Variants in CLIC5 observed in about 807,000 individuals in gnomAD.
CLIC5 encodes the protein chloride intracellular channel protein 5.
Under a neutral mutation model 24.7 loss-of-function variants are expected in CLIC5, and 20 were observed. The observed-to-expected ratio is 0.81, with a 90% CI of 0.57 to 1.18. The LOEUF is 1.18. Among genes scored for constraint, CLIC5 ranks in the 50% most tolerant of loss-of-function variants. CLIC5 has a pLI of 0.00. For synonymous variants in CLIC5, 159 were observed against 135.6 expected (o/e 1.17, Z -1.20); for missense variants, 341 against 326.1 (o/e 1.05, Z -0.35).
At position 45,915,231 on chromosome 6, in the gene CLIC5, A is replaced by G. The variant is rs781078145; in HGVS notation, c.407-822T>C. Among the ~76,000 whole-genome samples the G allele has an allele frequency of 1.3e-3, 203 of 152,070 alleles. 4 individuals are homozygous for G. Among genetic ancestry groups the G allele is most frequent in the Admixed American group, 8.3e-3 (126 of 15,272 alleles). ...GTGAGAGCCACCATGCCTGGCCAAT[A>G]CTAGCCATTTTTTTAAAAAGTTTTG... On this transcript the variant is annotated intron_variant, in intron 4 of 5. Coordinates refer to ENST00000339561, the MANE Select transcript of CLIC5 (RefSeq NM_016929.5).
the CLIC5 span, among the ~76,000 whole-genome samples, chr6:46,098,899 G>A: frequency 6.6e-6 from 1 of 152,206 alleles, no homozygotes; most frequent in African/African-American, 2.4e-5. Flanking sequence ...TGCTGAGACT[G>A]GCTTGGTGCC....
intron 6 of CLIC5, among the ~76,000 whole-genome samples, chr6:45,885,466 CATA>C (rs1237012402): frequency 6.6e-6 from 1 of 152,068 alleles, no homozygotes; most frequent in Non-Finnish European, 1.5e-5. Context: ...ATGTTATGCC[CATA>C]ATGTCAACAG....
intron 5 of CLIC5, chr6:45,911,757 A>G: frequency 1.0e-6 from 1 of 985,454 alleles, no homozygotes; most frequent in Non-Finnish European, 1.2e-6. Flanking sequence ...CCAGGGCTGA[A>G]CATCGTCACT....
intron 4 of CLIC5, among the ~76,000 whole-genome samples, chr6:45,928,096 A>G (rs920322423): frequency 1.3e-5 from 2 of 152,148 alleles, no homozygotes; most frequent in African/African-American, 4.8e-5. Flanking sequence ...TTCCTGCAAG[A>G]CGGCGCTGGA....
At chr6:45,915,170 G>T (rs892075615) in intron 4 of CLIC5, among the ~76,000 whole-genome samples, 29 of 151,752 alleles carry the variant, frequency 1.9e-4, no homozygotes, top group African/African-American at 6.8e-4. Context: ...CCTCATGATC[G>T]GCCCGCCTTG....
At position 45,941,553 on chromosome 6, in the gene CLIC5, T is replaced by C; in HGVS notation, c.400A>G (p.Asn134Asp). 1 of 1,610,466 alleles carries C rather than the reference T, an allele frequency of 6.2e-7. No individual in the cohort carries two copies. The highest frequency in any genetic ancestry group is 1.1e-5 in the South Asian group (1 of 90,972). ...GTGGAAGGGAGTCACTCACCAGCAT[T>C]GTTCTGCTGCTTGGTATTTTTGATG... ...AYIKNTKQQNNAALERGLTKA... is the reference protein window; with the variant it reads ...AYIKNTKQQNDAALERGLTKA... The change falls in exon 4 of 6, where the codon AAT (asparagine) becomes GAT (aspartate). Residue 134 changes from asparagine (N) to aspartate (D), a missense_variant. Physicochemically the swap from Asn to Asp is conservative, Grantham distance 23. Transcript: ENST00000339561.
intron 1 of CLIC5, among the ~76,000 whole-genome samples, chr6:46,072,675 T>G (rs1039586235): frequency 7.2e-5 from 11 of 152,224 alleles, no homozygotes; most frequent in African/African-American, 2.4e-4. Context: ...TTGGTGATGC[T>G]TCTTTATTAT....
At chr6:45,959,712 T>C (rs961731302) in intron 1 of CLIC5, among the ~76,000 whole-genome samples, 15 of 152,172 alleles carry the variant, frequency 9.9e-5, no homozygotes, top group African/African-American at 3.6e-4. Context: ...TAAAAACTGC[T>C]TAGTGAGGGA....
chr6:45,982,632 TA>T (rs1765604323), intron 1 of CLIC5, among the ~76,000 whole-genome samples: 1 of 152,150 alleles, frequency 6.6e-6, no homozygotes, highest in Admixed American at 6.6e-5. Context: ...AAAAGCATAA[TA>T]AAAATACAGT....
intron 1 of CLIC5, among the ~76,000 whole-genome samples, chr6:45,969,201 T>A (rs1765113419): frequency 6.6e-6 from 1 of 152,172 alleles, no homozygotes; most frequent in Non-Finnish European, 1.5e-5. Context: ...AAAGAGCTTG[T>A]GGACTAGCAT....
At chr6:46,069,487 T>G (rs139216264) in intron 1 of CLIC5, among the ~76,000 whole-genome samples, 1 of 151,804 alleles carries the variant, frequency 6.6e-6, no homozygotes, top group Non-Finnish European at 1.5e-5. Flanking sequence ...CCTGGACACA[T>G]ACACCCTCCC....
intron 1 of CLIC5, among the ~76,000 whole-genome samples, chr6:46,001,901 G>A (rs558886019): frequency 1.3e-4 from 20 of 152,148 alleles, no homozygotes; most frequent in Non-Finnish European, 2.1e-4. Flanking sequence ...GAGATGCTCT[G>A]CAAATTATAT....
chr6:45,888,727 A>G (rs566877896), intron 6 of CLIC5, among the ~76,000 whole-genome samples: 2 of 152,306 alleles, frequency 1.3e-5, no homozygotes, highest in Non-Finnish European at 2.9e-5. Flanking sequence ...AGAACTTCCC[A>G]CTTTGTTCCC....
intron 1 of CLIC5, among the ~76,000 whole-genome samples, chr6:46,002,416 G>C (rs1248187092): frequency 6.6e-6 from 1 of 152,060 alleles, no homozygotes; most frequent in Non-Finnish European, 1.5e-5. Context: ...GAGGAACTTG[G>C]GCCAATGCCA....
chr6:46,002,138 C>T (rs755045326), intron 1 of CLIC5, among the ~76,000 whole-genome samples: 4 of 152,156 alleles, frequency 2.6e-5, no homozygotes, highest in Admixed American at 6.5e-5. Flanking sequence ...TAGAATCCTG[C>T]GAGGACTCGA....
intron 1 of CLIC5, among the ~76,000 whole-genome samples, chr6:46,032,578 C>T (rs1021799176): frequency 6.6e-6 from 1 of 152,220 alleles, no homozygotes. Context: ...CACACAGAAT[C>T]CCTCAGGCTA....
intron 5 of CLIC5, chr6:45,912,653 C>T (rs902696762): frequency 6.5e-7 from 1 of 1,531,056 alleles, no homozygotes; most frequent in Non-Finnish European, 8.7e-7. Context: ...AGGACCGGAA[C>T]TCGGGTCTCC....
At chr6:46,054,300 A>G (rs564680265) in intron 1 of CLIC5, among the ~76,000 whole-genome samples, 2 of 152,274 alleles carry the variant, frequency 1.3e-5, no homozygotes, top group African/African-American at 4.8e-5. Context: ...CACCACTGCC[A>G]AAACCATCTT....
At chr6:46,102,078 G>C in the CLIC5 span, among the ~76,000 whole-genome samples, 1 of 152,134 alleles carries the variant, frequency 6.6e-6, no homozygotes, top group Non-Finnish European at 1.5e-5. Context: ...TTGAGCCCCT[G>C]AAGTTTCATG....
Sources: gnomAD v4.1 joint callset for allele counts (sites outside exome capture counted in the v4.1 genomes callset) on GRCh38, gnomAD v4.1.1 for gene constraint, MANE v1.5 for transcripts, NCBI Gene and HGNC (gene_info 2026-07-23, HGNC 2026-07-21) for gene names.